RBFOX1: variants seen among roughly 807,000 people sequenced by gnomAD.
The protein encoded by RBFOX1 is RNA binding fox-1 homolog 1.
In RBFOX1, 8 loss-of-function variants were observed where a neutral mutation model predicts 57.7. The observed-to-expected ratio is 0.14, with a 90% confidence interval of 0.08 to 0.25. The LOEUF is 0.25. Ranked by LOEUF, RBFOX1 falls within the 10% of genes least tolerant of loss-of-function variation. The pLI, the probability that RBFOX1 is intolerant of heterozygous loss-of-function variation, is 1.00. For missense variants in RBFOX1, 611 were observed against 548.5 expected (o/e 1.11, Z -1.14); for synonymous variants, 326 against 222.4 (o/e 1.47, Z -4.15).
At chr16:6,371,122 A>G (rs1464785310) in intron 2 of RBFOX1, among the ~76,000 whole-genome samples, 5 of 152,214 alleles carry the variant, frequency 3.3e-5, no homozygotes, top group Admixed American at 2.6e-4. Context: ...TTTGGATCAT[A>G]TGATGTCTCT....
intron 1 of RBFOX1, among the ~76,000 whole-genome samples, chr16:5,343,716 A>T (rs1305150833): frequency 6.6e-6 from 1 of 152,198 alleles, no homozygotes; most frequent in Non-Finnish European, 1.5e-5. Flanking sequence ...TAGTGAAATA[A>T]GGTTGACCTG....
Position 5,360,030 on chromosome 16 carries a change from A to C in RBFOX1, c.220-107186A>C, listed in dbSNP as rs543839736. ...TTGAAGGTTAGTAAGATGTCCTCTCATGAGCATTTGCTTGTTCAGAGAACC... is the reference window on the plus strand; with the variant it reads ...TTGAAGGTTAGTAAGATGTCCTCTCCTGAGCATTTGCTTGTTCAGAGAACC... On this transcript the variant is annotated intron_variant, in intron 1 of 2. Coordinates refer to the RBFOX1 transcript ENST00000585867. Among the ~76,000 whole-genome samples the C allele has an allele frequency of 2.6e-5, 4 of 152,356 alleles. No individual in the cohort carries two copies. In the East Asian group the frequency reaches 7.7e-4, roughly 29 times the overall value.
intron 3 of RBFOX1, among the ~76,000 whole-genome samples, chr16:5,685,527 G>A (rs1039235338): frequency 7.9e-5 from 12 of 152,216 alleles, no homozygotes; most frequent in African/African-American, 2.9e-4. Flanking sequence ...AGTTATCACA[G>A]GGTTGGAGAA....
At chr16:5,747,913 C>G (rs1345783661) in intron 3 of RBFOX1, among the ~76,000 whole-genome samples, 1 of 152,118 alleles carries the variant, frequency 6.6e-6, no homozygotes, top group Non-Finnish European at 1.5e-5. Context: ...TTGCCTTCTG[C>G]TAGCTTTTGA....
At chr16:7,597,177 TA>T (rs1253278788) in intron 8 of RBFOX1, 193 bp from the exon 9 acceptor site, 2 of 472,892 alleles carry the variant, frequency 4.2e-6, no homozygotes, top group Non-Finnish European at 3.7e-6. Context: ...ATTTGTAAGT[TA>T]AACGGTTATG....
At chr16:6,824,376 C>G (rs2091820348) in intron 3 of RBFOX1, among the ~76,000 whole-genome samples, 1 of 152,130 alleles carries the variant, frequency 6.6e-6, no homozygotes, top group Admixed American at 6.6e-5. Flanking sequence ...ACAGCATGCT[C>G]CAATCTGGGC....
chr16:6,860,484 C>A (rs902686105), intron 3 of RBFOX1, among the ~76,000 whole-genome samples: 3 of 152,200 alleles, frequency 2.0e-5, no homozygotes, highest in African/African-American at 7.2e-5. Context: ...TATATTGATG[C>A]ACCTGCTTTG....
At chr16:7,198,862 T>A (rs1486850973) in intron 4 of RBFOX1, among the ~76,000 whole-genome samples, 2 of 152,224 alleles carry the variant, frequency 1.3e-5, no homozygotes, top group Admixed American at 6.5e-5. Flanking sequence ...TAGCACACTA[T>A]CAGAGGCAAA....
In RBFOX1 at chr16:7,040,574, A is replaced by G. The variant is rs149796932; in HGVS notation, c.-15-11483A>G. The stretch of plus-strand genomic sequence containing the variant: ...GCTTCTCTGTCCCTTCTTCTCCACT[A>G]TTGGTCTGGTTCCCAGGACATCATT... On this transcript the variant is annotated intron_variant, in intron 3 of 15. Coordinates refer to ENST00000550418, the MANE Select transcript of RBFOX1 (RefSeq NM_018723.4). Among the ~76,000 whole-genome samples, 45 of 152,222 alleles carry G rather than the reference A, an allele frequency of 3.0e-4. No homozygotes were observed. The East Asian group carries it at 5.6e-3, about 19-fold the overall frequency.
At chr16:5,755,678 A>G (rs1240168696) in intron 3 of RBFOX1, among the ~76,000 whole-genome samples, 1 of 152,210 alleles carries the variant, frequency 6.6e-6, no homozygotes, top group African/African-American at 2.4e-5. Context: ...GGCTCACTGC[A>G]GCCTCCGCCT....
intron 1 of RBFOX1, among the ~76,000 whole-genome samples, chr16:5,454,939 C>CT (rs1567535661): frequency 5.5e-4 from 24 of 43,938 alleles, no homozygotes; most frequent in African/African-American, 7.1e-4. Flanking sequence ...TCCTTCCTTC[C>CT]TTCCTTCCTT....
At chr16:5,905,802 G>T (rs1051187237) in intron 4 of RBFOX1, among the ~76,000 whole-genome samples, 1 of 152,156 alleles carries the variant, frequency 6.6e-6, no homozygotes, top group Non-Finnish European at 1.5e-5. Context: ...CCTGAAGGGT[G>T]AGAAAACTGA....
intron 2 of RBFOX1, among the ~76,000 whole-genome samples, chr16:5,548,419 A>T (rs2045324854): frequency 6.6e-6 from 1 of 151,808 alleles, no homozygotes. Context: ...CAAAAACAGA[A>T]TGAATAAGAC....
intron 1 of RBFOX1, among the ~76,000 whole-genome samples, chr16:6,069,199 G>C (rs1035755821): frequency 6.6e-6 from 1 of 152,004 alleles, no homozygotes; most frequent in Non-Finnish European, 1.5e-5. Context: ...GGGAGTTGGA[G>C]ACCAGCCTGA....
chr16:6,678,997 A>T (rs905961102), intron 3 of RBFOX1, among the ~76,000 whole-genome samples: 1 of 152,144 alleles, frequency 6.6e-6, no homozygotes, highest in Non-Finnish European at 1.5e-5. Context: ...AATCCATTTC[A>T]TTCTTTCAGA....
chr16:6,074,171 A>C (rs1355726477), intron 1 of RBFOX1, among the ~76,000 whole-genome samples: 3 of 151,816 alleles, frequency 2.0e-5, no homozygotes, highest in African/African-American at 7.3e-5. Context: ...CATGGTCTTG[A>C]CCTTCTGACC....
rs2068592502 is a variant in RBFOX1, at chr16:7,664,274, G to A, written c.891-655G>A. 2.6e-5 allele frequency among the ~76,000 whole-genome samples: 4 copies of A among 152,290 alleles called. No individual in the cohort carries two copies. The South Asian group carries it at 8.3e-4, about 32-fold the overall frequency. On this transcript the variant is annotated intron_variant, in intron 12 of 15. Coordinates refer to ENST00000550418, the MANE Select transcript of RBFOX1 (RefSeq NM_018723.4). The stretch of plus-strand genomic sequence containing the variant: ...ATGCACACAATGCACTTGTACACAT[G>A]AAGACATGTCTGCACAGAAAACACA...
intron 3 of RBFOX1, among the ~76,000 whole-genome samples, chr16:5,638,782 G>A (rs909587012): frequency 5.8e-4 from 88 of 152,262 alleles, no homozygotes; most frequent in African/African-American, 1.9e-3. Flanking sequence ...AGACATCTGA[G>A]GAAGGGAAAA....
At chr16:6,952,223 A>C (rs948791261) in intron 3 of RBFOX1, among the ~76,000 whole-genome samples, 4 of 152,198 alleles carry the variant, frequency 2.6e-5, no homozygotes, top group Admixed American at 1.3e-4. Flanking sequence ...TGAAAGAAAA[A>C]GAGTAGGACC....
Sources: gnomAD v4.1 joint callset for allele counts (sites outside exome capture counted in the v4.1 genomes callset) on GRCh38, gnomAD v4.1.1 for gene constraint, MANE v1.5 for transcripts, NCBI Gene and HGNC (gene_info 2026-07-23, HGNC 2026-07-21) for gene names.